Variants in HECTD4 observed in about 807,000 individuals in gnomAD.
HECTD4 encodes the protein HECT domain E3 ubiquitin protein ligase 4, also known as probable E3 ubiquitin-protein ligase HECTD4.
Under a neutral mutation model 471.5 loss-of-function variants are expected in HECTD4, and 114 were observed. The observed-to-expected ratio is 0.24, with a 90% confidence interval of 0.21 to 0.28. The LOEUF is 0.28. HECTD4 is among the 10% of genes least tolerant of loss of function. The pLI is 1.00. For missense variants in HECTD4, 3,866 were observed against 5,651.5 expected, an observed-to-expected ratio of 0.68 and a Z score of 10.13; for synonymous variants, 2,012 against 2,256.0, an observed-to-expected ratio of 0.89 and a Z score of 3.07.
chr12:112,292,841 T>A (rs779641206), intron 7 of HECTD4, among the ~76,000 whole-genome samples: 1 of 151,986 alleles, frequency 6.6e-6, no homozygotes, highest in Non-Finnish European at 1.5e-5. Flanking sequence ...GGCAACATAG[T>A]GAAACCCCGT....
chr12:112,322,828 G>C (rs962969973), intron 1 of HECTD4: 13 of 153,428 alleles, frequency 8.5e-5, no homozygotes, highest in African/African-American at 3.1e-4. Flanking sequence ...AAAGGCTTTT[G>C]ATAAACTTTA....
In HECTD4 at chr12:112,195,037, G is replaced by A. The variant is rs769479405; in HGVS notation, c.8597C>T (p.Ala2866Val). The A allele has an allele frequency of 6.2e-7, 1 of 1,607,026 alleles. No individual in the cohort carries two copies. Among genetic ancestry groups the A allele is most frequent in the Non-Finnish European group, 8.5e-7 (1 of 1,177,058 alleles). ...CAGGGCCATGCGGCAGTACAGCCTGGCCAGCGCAGCCTCGCAGCGCAGCAG... is the reference window on the plus strand; with the variant it reads ...CAGGGCCATGCGGCAGTACAGCCTGACCAGCGCAGCCTCGCAGCGCAGCAG... ...RELLRCEAAL[A>V]RLYCRMALLN... The change falls in exon 56 of 76, where the codon GCC becomes GTC. Residue 2866 changes from alanine to valine, a missense_variant. Ala to Val is a moderately conservative substitution (Grantham distance 64). Coordinates refer to ENST00000682272, the MANE Select transcript of HECTD4 (RefSeq NM_001388303.1).
chr12:112,229,615 C>T, intron 41 of HECTD4, 83 bp downstream of exon 41: 1 of 1,354,334 alleles, frequency 7.4e-7, no homozygotes, highest in Non-Finnish European at 1.0e-6. Flanking sequence ...TTGGATAATA[C>T]TTGTCTTACA....
Position 112,162,540 on chromosome 12 carries a change from C to A in HECTD4, c.13121-17G>T. 1 of 1,613,876 alleles carries A rather than the reference C, an allele frequency of 6.2e-7. No individual in the cohort carries two copies. The highest frequency in any genetic ancestry group is 1.1e-5 in the South Asian group (1 of 91,070). On this transcript the variant is annotated splice_polypyrimidine_tract_variant and intron_variant, in intron 75 of 75. Transcript: ENST00000682272. The surrounding 1 kb of genome is among the most constrained non-coding windows in gnomAD (Gnocchi z 5.2). ...CTGGGGAACCTACAAGAAACCGAGC[C>A]AGCATCAGAGGGTTGGGCCCACATC...
chr12:112,250,308 A>T lies in HECTD4; in HGVS notation c.3786T>A (p.Pro1262=). 1 of 1,613,956 alleles carries T rather than the reference A, an allele frequency of 6.2e-7. No homozygotes were observed. The highest frequency in any genetic ancestry group is 8.5e-7 in the Non-Finnish European group (1 of 1,179,874). ...ATTCTCTGTCTTCCTCTATGGTCAG[A>T]GGCAGTGGAGAGGGGCTCGGAGTAA... The part of the protein sequence containing the change: ...PALTPSPSPL[P]LTIEEDREFT... Residue 1262 remains proline (P), a synonymous_variant, in exon 25 of 76, where the codon CCT becomes CCA. Coordinates refer to ENST00000682272, the MANE Select transcript of HECTD4 (RefSeq NM_001388303.1).
intron 7 of HECTD4, among the ~76,000 whole-genome samples, chr12:112,296,844 G>T (rs1463732600): frequency 1.3e-5 from 2 of 151,260 alleles, no homozygotes; most frequent in Non-Finnish European, 2.9e-5. Flanking sequence ...TGGAGGTGCA[G>T]TGGATGTAGG....
At chr12:112,227,155 C>T (rs2033260859) in intron 43 of HECTD4, among the ~76,000 whole-genome samples, 2 of 152,130 alleles carry the variant, frequency 1.3e-5, no homozygotes, top group South Asian at 2.1e-4. Flanking sequence ...ACACACTAGA[C>T]GTTTCTAAGA....
intron 1 of HECTD4, among the ~76,000 whole-genome samples, chr12:112,379,332 T>C (rs2036846498): frequency 6.6e-6 from 1 of 152,246 alleles, no homozygotes; most frequent in Non-Finnish European, 1.5e-5. Flanking sequence ...TTCCAATTGT[T>C]AGGCTCTTTT....
chr12:112,380,811 C>G (rs911307905), intron 1 of HECTD4, among the ~76,000 whole-genome samples: 6 of 152,252 alleles, frequency 3.9e-5, no homozygotes, highest in African/African-American at 1.2e-4. Flanking sequence ...CAATGTGATC[C>G]GATCACTGCC....
intron 1 of HECTD4, among the ~76,000 whole-genome samples, chr12:112,377,554 T>TA (rs898596156): frequency 5.3e-5 from 8 of 151,800 alleles, no homozygotes; most frequent in Non-Finnish European, 7.4e-5. Context: ...TTTATTGCTT[T>TA]AAAAAAAAAT....
chr12:112,171,114 G>A lies in HECTD4; in HGVS notation c.11932+3C>T. On this transcript the variant is annotated splice_donor_region_variant and intron_variant, in intron 68 of 75. Coordinates refer to ENST00000682272, the MANE Select transcript of HECTD4 (RefSeq NM_001388303.1). ...CAGGGCCAGGGCAGGTGCAGGCACT[G>A]ACCTTTGGCCTCCTTCAGCAGGGCG... is the stretch of plus-strand genomic sequence containing the variant. 1 of 1,611,956 alleles carries A rather than the reference G, an allele frequency of 6.2e-7. No homozygotes were observed. Among genetic ancestry groups the A allele is most frequent in the Non-Finnish European group, 8.5e-7 (1 of 1,178,926 alleles).
At chr12:112,207,742 G>C in intron 52 of HECTD4, 132 bp downstream of exon 52, 3 of 980,036 alleles carry the variant, frequency 3.1e-6, no homozygotes, top group Non-Finnish European at 4.4e-6. Context: ...GTTCACTAAA[G>C]GTAAGGTCAA....
At chr12:112,368,491 G>A (rs749895747) in intron 1 of HECTD4, among the ~76,000 whole-genome samples, 1 of 152,074 alleles carries the variant, frequency 6.6e-6, no homozygotes, top group South Asian at 2.1e-4. Flanking sequence ...TCTTTAAATA[G>A]TAGATTATCT....
intron 1 of HECTD4, among the ~76,000 whole-genome samples, chr12:112,325,234 T>A (rs1020680336): frequency 2.6e-5 from 4 of 152,200 alleles, no homozygotes; most frequent in African/African-American, 9.6e-5. Flanking sequence ...GCATTCAATT[T>A]AAAAGACAAG....
chr12:112,348,831 A>G (rs1181967242), intron 1 of HECTD4, among the ~76,000 whole-genome samples: 1 of 152,198 alleles, frequency 6.6e-6, no homozygotes, highest in Non-Finnish European at 1.5e-5. Flanking sequence ...TTTATATATA[A>G]ACCTATGTAT....
chr12:112,294,176 A>G (rs890593498), intron 7 of HECTD4, among the ~76,000 whole-genome samples: 1 of 151,696 alleles, frequency 6.6e-6, no homozygotes, highest in Non-Finnish European at 1.5e-5. Flanking sequence ...TCCAATTTTG[A>G]TGTCTGTGCT....
In HECTD4 at chr12:112,381,342, C is replaced by T. The variant is rs2036883272; in HGVS notation, c.177+610G>A. Among the ~76,000 whole-genome samples the T allele has an allele frequency of 6.6e-6, 1 of 152,148 alleles. No individual in the cohort carries two copies. ...GAGAGTGCATGGAGGGCCGCTGGAG[C>T]ATCCCTCTCGCTGTCCACAGCGCCC... On this transcript the variant is annotated intron_variant, in intron 1 of 75. Transcript: ENST00000682272. This position sits in a 1 kb window ranked among gnomAD's most constrained non-coding sequence, Gnocchi z 4.1.
chr12:112,271,845 G>A (rs1205158307), intron 11 of HECTD4, among the ~76,000 whole-genome samples: 1 of 151,626 alleles, frequency 6.6e-6, no homozygotes, highest in Non-Finnish European at 1.5e-5. Context: ...CATCATACTT[G>A]CCTTTAATTT....
chr12:112,220,260 T>A (rs935238827), intron 44 of HECTD4, among the ~76,000 whole-genome samples: 1 of 152,224 alleles, frequency 6.6e-6, no homozygotes, highest in East Asian at 1.9e-4. Flanking sequence ...GCACCTGCTA[T>A]GAGCAAGGCA....
Sources: allele counts gnomAD v4.1 joint callset (sites outside exome capture counted in the v4.1 genomes callset), GRCh38; gene constraint gnomAD v4.1.1; non-coding constraint Gnocchi (gnomAD v3.1); transcripts MANE v1.5; gene names NCBI Gene and HGNC (gene_info 2026-07-23, HGNC 2026-07-21).